The following PPARGC1B variants were observed in gnomAD, a reference collection of about 807,000 sequenced individuals.
PPARGC1B encodes the protein PPARG coactivator 1 beta, also known as peroxisome proliferator-activated receptor gamma coactivator 1-beta.
PPARGC1B carries 34 observed loss-of-function variants against 101.6 expected under a neutral mutation model. The observed-to-expected ratio is 0.33, with a 90% CI of 0.25 to 0.45. The LOEUF (loss-of-function observed/expected upper bound fraction) is 0.45, where lower values mean the gene tolerates loss of function less well. Ranked by LOEUF, PPARGC1B falls within the 20% of genes least tolerant of loss-of-function variation. PPARGC1B has a pLI of 1.00. For missense variants in PPARGC1B, 1,234 were observed against 1,317.6 expected (o/e 0.94, Z 0.98); for synonymous variants, 548 against 539.3 (o/e 1.02, Z -0.22).
At chr5:149,831,121 C>T (rs1474700095) in intron 4 of PPARGC1B, among the ~76,000 whole-genome samples, 2 of 152,220 alleles carry the variant, frequency 1.3e-5, no homozygotes, top group East Asian at 3.9e-4. Context: ...GATGTTAATG[C>T]AGCTTAGAGC....
intron 10 of PPARGC1B, 119 bp downstream of exon 10, chr5:149,842,496 C>T: frequency 7.1e-7 from 1 of 1,412,430 alleles, no homozygotes; most frequent in Non-Finnish European, 9.8e-7. Flanking sequence ...AATCCATAGC[C>T]TAGATGTGGA....
chr5:149,845,651 T>C (rs1360285352), intron 10 of PPARGC1B, 109 bp from the exon 11 acceptor site: 74 of 1,150,764 alleles, frequency 6.4e-5, no homozygotes, highest in Non-Finnish European at 8.0e-5. Context: ...GGCCACGTGA[T>C]GTGGGTATCG....
intron 1 of PPARGC1B, among the ~76,000 whole-genome samples, chr5:149,752,880 CATT>C (rs1346457105): frequency 3.3e-5 from 5 of 152,300 alleles, no homozygotes; most frequent in Admixed American, 3.3e-4. Flanking sequence ...CAAACAAAAA[CATT>C]ATGCATGTTA....
chr5:149,806,524 C>T (rs1339563891), intron 1 of PPARGC1B, among the ~76,000 whole-genome samples: 3 of 152,114 alleles, frequency 2.0e-5, no homozygotes, highest in Non-Finnish European at 4.4e-5. Context: ...GGAAATAGAA[C>T]CAGAGAACGT....
intron 1 of PPARGC1B, chr5:149,772,019 A>C: frequency 1.3e-6 from 2 of 1,481,786 alleles, no homozygotes; most frequent in East Asian, 5.1e-5. Context: ...AGGCTCAGAG[A>C]AGTGAAGGTT....
chr5:149,776,130 G>C lies in PPARGC1B; in HGVS notation c.79-44303G>C, dbSNP rs558111916. Among the ~76,000 whole-genome samples the C allele has an allele frequency of 4.7e-5, 7 of 148,822 alleles. No individual in the cohort carries two copies. In the East Asian group the frequency reaches 1.0e-3, roughly 22 times the overall value. ...TCTTCATACAAGTATGTTTCTTTTT[G>C]AACCCCTGTACATTCTATTCTAACT... On this transcript the variant is annotated intron_variant, in intron 1 of 11. Coordinates refer to ENST00000309241, the MANE Select transcript of PPARGC1B (RefSeq NM_133263.4).
chr5:149,810,824 A>G (rs929853032), intron 1 of PPARGC1B, among the ~76,000 whole-genome samples: 3 of 151,886 alleles, frequency 2.0e-5, no homozygotes, highest in Admixed American at 6.6e-5. Flanking sequence ...CTCAGCCTCA[A>G]TGTCTTAATT....
Position 149,730,794 on chromosome 5 carries a change from G to A in PPARGC1B, c.78+374G>A, listed in dbSNP as rs1408061883. On this transcript the variant is annotated intron_variant, in intron 1 of 11. Coordinates refer to ENST00000309241, the MANE Select transcript of PPARGC1B (RefSeq NM_133263.4). This position sits in a 1 kb window ranked among gnomAD's most constrained non-coding sequence, Gnocchi z 4.0. The stretch of plus-strand genomic sequence containing the variant: ...GCTGGAGGCGCGCCGTCAGCGCCCG[G>A]CACTTGCTGCCGTACTTTCACGTGG... Among the ~76,000 whole-genome samples, 2 of 152,198 alleles carry A rather than the reference G, an allele frequency of 1.3e-5. No homozygotes were observed. Among genetic ancestry groups the A allele is most frequent in the Non-Finnish European group, 2.9e-5 (2 of 68,014 alleles).
intron 1 of PPARGC1B, among the ~76,000 whole-genome samples, chr5:149,732,100 G>T (rs1754515092): frequency 1.3e-5 from 2 of 152,048 alleles, no homozygotes; most frequent in South Asian, 2.1e-4. Context: ...CGCGCCGGGC[G>T]CGTACCTTTA....
In PPARGC1B at chr5:149,733,295, A is replaced by C. The variant is rs145652877; in HGVS notation, c.78+2875A>C. On this transcript the variant is annotated intron_variant, in intron 1 of 11. Transcript: ENST00000309241. ...GAAATTTAGCAGAACAAGGATTGCGAAAGTTTCTTGGAAAGCTTTGAGGCA... is the reference window on the plus strand; with the variant it reads ...GAAATTTAGCAGAACAAGGATTGCGCAAGTTTCTTGGAAAGCTTTGAGGCA... 5.9e-5 allele frequency among the ~76,000 whole-genome samples: 9 copies of C among 152,346 alleles called. No individual in the cohort carries two copies. The East Asian group carries it at 1.5e-3, about 26-fold the overall frequency.
Position 149,832,924 on chromosome 5 carries a change from T to TG in PPARGC1B, c.852dup (p.Gln285AlafsTer26). The TG allele has an allele frequency of 6.2e-7, 1 of 1,613,172 alleles. No individual in the cohort carries two copies. Among genetic ancestry groups the TG allele is most frequent in the Non-Finnish European group, 8.5e-7 (1 of 1,180,004 alleles). ...GGTGCCCCGGTTTCCCAGGAAGACA[T>TG]GCAGGCGATGGTGCAACTCATACGC... On this transcript the variant is annotated frameshift_variant, in exon 5 of 12. Transcript: ENST00000309241. LOFTEE classifies it high-confidence loss of function. The surrounding 1 kb of genome is among the most constrained non-coding windows in gnomAD (Gnocchi z 4.9).
chr5:149,797,294 G>A (rs1264094395), intron 1 of PPARGC1B, among the ~76,000 whole-genome samples: 1 of 152,072 alleles, frequency 6.6e-6, no homozygotes, highest in African/African-American at 2.4e-5. Context: ...GAACTTGGAT[G>A]GAAAAAAATT....
At chr5:149,777,963 C>CACACAG (rs1756441097) in intron 1 of PPARGC1B, among the ~76,000 whole-genome samples, 1 of 89,200 alleles carries the variant, frequency 1.1e-5, no homozygotes, top group Non-Finnish European at 2.3e-5. Context: ...CACACACACA[C>CACACAG]AGTATCCGGC....
At chr5:149,830,932 G>A (rs1286267163) in intron 4 of PPARGC1B, 49 bp downstream of exon 4, 4 of 1,262,712 alleles carry the variant, frequency 3.2e-6, no homozygotes, top group Admixed American at 1.7e-5. Context: ...TGTTGGGGCT[G>A]CAGCCTTCAG....
intron 11 of PPARGC1B, chr5:149,847,089 A>G: frequency 2.9e-6 from 1 of 343,750 alleles, no homozygotes. Flanking sequence ...CATCTCAAAA[A>G]AAAAAAAATT....
chr5:149,813,035 C>T (rs976755111), intron 1 of PPARGC1B, among the ~76,000 whole-genome samples: 5 of 152,070 alleles, frequency 3.3e-5, no homozygotes, highest in African/African-American at 1.2e-4. Flanking sequence ...TAAGTAGAGG[C>T]GCAGGGTCAT....
intron 1 of PPARGC1B, among the ~76,000 whole-genome samples, chr5:149,814,878 AG>A (rs1346037954): frequency 1.3e-5 from 2 of 152,214 alleles, no homozygotes; most frequent in African/African-American, 4.8e-5. Context: ...GGCCCACGGC[AG>A]GGGGTGAGCA....
At chr5:149,773,660 G>GGAGGCTAACA (rs1756235237) in intron 1 of PPARGC1B, among the ~76,000 whole-genome samples, 1 of 152,228 alleles carries the variant, frequency 6.6e-6, no homozygotes, top group Non-Finnish European at 1.5e-5. Flanking sequence ...GAGAATGTGA[G>GGAGGCTAACA]GAGGCTAACA....
intron 1 of PPARGC1B, among the ~76,000 whole-genome samples, chr5:149,819,853 G>T (rs1175170688): frequency 6.6e-6 from 1 of 152,120 alleles, no homozygotes; most frequent in East Asian, 1.9e-4. Context: ...ATTGATTGGT[G>T]TTCCATCATA....
Sources: gnomAD v4.1 joint callset for allele counts (sites outside exome capture counted in the v4.1 genomes callset) on GRCh38, gnomAD v4.1.1 for gene constraint, Gnocchi (gnomAD v3.1) non-coding constraint, MANE v1.5 for transcripts, NCBI Gene and HGNC (gene_info 2026-07-23, HGNC 2026-07-21) for gene names.